The following ALCAM variants were observed in gnomAD, a reference collection of about 807,000 sequenced individuals.
The protein encoded by ALCAM is activated leukocyte cell adhesion molecule.
A neutral mutation model predicts 70.9 loss-of-function variants in ALCAM; 30 were observed. That is an observed-to-expected ratio of 0.42 (90% confidence interval 0.32 to 0.57). ALCAM has a LOEUF of 0.57. ALCAM is among the 20% of genes least tolerant of loss of function. The pLI is 0.11. For synonymous variants in ALCAM, 249 were observed against 242.5 expected (o/e 1.03, Z -0.25); for missense variants, 591 against 695.1 (o/e 0.85, Z 1.68).
chr3:105,540,103 G>A lies in ALCAM; in HGVS notation c.858+1G>A. 6.2e-7 allele frequency: 1 copy of A among 1,610,726 alleles called. No homozygotes were observed. On this transcript the variant is annotated splice_donor_variant, in intron 7 of 15. Transcript: ENST00000306107. LOFTEE classifies it high-confidence loss of function. ...AGAGGAATTTTTGTTTTACTTACCAGTAAGTGCTTAAGTATTACTTCAGTT... is the reference window on the plus strand; with the variant it reads ...AGAGGAATTTTTGTTTTACTTACCAATAAGTGCTTAAGTATTACTTCAGTT...
chr3:105,466,553 A>G (rs1401918771), intron 1 of ALCAM, among the ~76,000 whole-genome samples: 2 of 151,420 alleles, frequency 1.3e-5, no homozygotes, highest in Non-Finnish European at 3.0e-5. Context: ...ATTAGTTATC[A>G]AAATCATTCT....
chr3:105,467,615 G>T (rs1937784240), intron 1 of ALCAM, among the ~76,000 whole-genome samples: 1 of 151,098 alleles, frequency 6.6e-6, no homozygotes, highest in African/African-American at 2.4e-5. Flanking sequence ...TACTTAATTA[G>T]AAAAATATTA....
At chr3:105,531,905 T>C in intron 3 of ALCAM, 97 bp from the exon 4 acceptor site, 3 of 957,636 alleles carry the variant, frequency 3.1e-6, no homozygotes, top group Non-Finnish European at 5.1e-6. Context: ...CTTATTCTTC[T>C]GTATTGAGTA....
At chr3:105,405,114 C>T (rs192153721) in intron 1 of ALCAM, among the ~76,000 whole-genome samples, 106 of 151,842 alleles carry the variant, frequency 7.0e-4, no homozygotes, top group African/African-American at 2.5e-3. Context: ...CTTGTCTCTA[C>T]TAAAAATACA....
At chr3:105,474,066 G>A (rs1022241682) in intron 1 of ALCAM, among the ~76,000 whole-genome samples, 1 of 151,582 alleles carries the variant, frequency 6.6e-6, no homozygotes, top group African/African-American at 2.4e-5. Flanking sequence ...CACTACCACA[G>A]GTAGTAGCTA....
chr3:105,407,950 G>A lies in ALCAM; in HGVS notation c.73+40469G>A, dbSNP rs765449713. Among the ~76,000 whole-genome samples the A allele has an allele frequency of 2.6e-5, 4 of 152,026 alleles. No individual in the cohort carries two copies. In the South Asian group the frequency reaches 8.3e-4, roughly 31 times the overall value. ...GAGAATCAAATCAAGAACTCAACCT[G>A]ATTTACAATAGCTGCAAAAAATAAA... On this transcript the variant is annotated intron_variant, in intron 1 of 15. Transcript: ENST00000306107.
chr3:105,439,618 A>G (rs866496054), intron 1 of ALCAM: 8 of 152,360 alleles, frequency 5.3e-5, no homozygotes, highest in Middle Eastern at 3.4e-3. Context: ...TCGGGGCTCA[A>G]TATGAAATTT....
chr3:105,559,819 G>C (rs1459812194), intron 14 of ALCAM, among the ~76,000 whole-genome samples: 2 of 152,012 alleles, frequency 1.3e-5, no homozygotes, highest in Non-Finnish European at 2.9e-5. Flanking sequence ...TTATAGAAAA[G>C]GTACTCTTTT....
intron 4 of ALCAM, 128 bp from the exon 5 acceptor site, chr3:105,533,475 G>A (rs1178884688): frequency 2.5e-5 from 15 of 595,930 alleles, no homozygotes; most frequent in Middle Eastern, 4.0e-4. Flanking sequence ...TCAGTCTTTG[G>A]TCAGTGTTGG....
Position 105,368,330 on chromosome 3 carries a change from C to A in ALCAM, c.73+849C>A, listed in dbSNP as rs139823556. 2.0e-5 allele frequency among the ~76,000 whole-genome samples: 3 copies of A among 151,648 alleles called. No homozygotes were observed. In the East Asian group the frequency reaches 5.9e-4, roughly 30 times the overall value. On this transcript the variant is annotated intron_variant, in intron 1 of 15. Coordinates refer to ENST00000306107, the MANE Select transcript of ALCAM (RefSeq NM_001627.4). Reference sequence around the variant, plus strand: ...TCCCTTTCCACACCCTCGGGGACGTCCCCTGGCCCTGGTATCCTCAGGCCC... The same window carrying A: ...TCCCTTTCCACACCCTCGGGGACGTACCCTGGCCCTGGTATCCTCAGGCCC...
At chr3:105,572,231 C>CTA (rs1450602061) in intron 15 of ALCAM, among the ~76,000 whole-genome samples, 1 of 152,172 alleles carries the variant, frequency 6.6e-6, no homozygotes, top group Non-Finnish European at 1.5e-5. Flanking sequence ...CGTCCCTCCC[C>CTA]TAGCCCCCCA....
In ALCAM at chr3:105,571,719, T is replaced by C. The variant is rs543275287; in HGVS notation, c.1665-133T>C. On this transcript the variant is annotated intron_variant, in intron 14 of 15. Transcript: ENST00000306107. Reference sequence around the variant, plus strand: ...CATTATCAGTCAAGGCTCACAGATATGGAAATTTTTGCCTAGCGGTTTGCT... The same window carrying C: ...CATTATCAGTCAAGGCTCACAGATACGGAAATTTTTGCCTAGCGGTTTGCT... 3.5e-5 allele frequency: 22 copies of C among 631,694 alleles called. No homozygotes were observed. In the South Asian group the frequency reaches 5.1e-4, roughly 15 times the overall value. The allele number at this position is 631,694 out of a possible 1,614,324, so 39.1% of individuals were successfully genotyped here. A position where few individuals can be genotyped will look rare whatever the true frequency, so the allele number is the denominator to read the frequency against.
chr3:105,463,481 G>C (rs1224798727), intron 1 of ALCAM, among the ~76,000 whole-genome samples: 1 of 151,420 alleles, frequency 6.6e-6, no homozygotes, highest in Non-Finnish European at 1.5e-5. Context: ...TCTACAGTGA[G>C]AAATTTAACA....
rs754158436 is a variant in ALCAM, at chr3:105,532,091, C to T, written c.459+25C>T. 3.1e-6 allele frequency: 5 copies of T among 1,591,980 alleles called. No individual in the cohort carries two copies. The East Asian group carries it at 6.7e-5, about 21-fold the overall frequency. On this transcript the variant is annotated intron_variant, in intron 4 of 15. Coordinates refer to ENST00000306107, the MANE Select transcript of ALCAM (RefSeq NM_001627.4). ...GGTAAGAATTGTTTTTGATTAATAC[C>T]TTTATTTAGCCAGTGTTGTAAGTGC...
chr3:105,372,317 T>C (rs2107318769), intron 1 of ALCAM, among the ~76,000 whole-genome samples: 1 of 152,266 alleles, frequency 6.6e-6, no homozygotes, highest in South Asian at 2.1e-4. Flanking sequence ...TTCATGCAGC[T>C]AATTTCTCTG....
chr3:105,470,492 T>C lies in ALCAM; in HGVS notation c.74-49575T>C, dbSNP rs138130422. Reference sequence around the variant, plus strand: ...AAACAAGTGTTTAGGGGTTAAATTATAATTAAAATAATTGACCTCTTAATA... The same window carrying C: ...AAACAAGTGTTTAGGGGTTAAATTACAATTAAAATAATTGACCTCTTAATA... On this transcript the variant is annotated intron_variant, in intron 1 of 15. Coordinates refer to ENST00000306107, the MANE Select transcript of ALCAM (RefSeq NM_001627.4). 3.1e-4 allele frequency among the ~76,000 whole-genome samples: 47 copies of C among 151,346 alleles called. No homozygotes were observed. In the East Asian group the frequency reaches 8.5e-3, roughly 27 times the overall value.
intron 14 of ALCAM, among the ~76,000 whole-genome samples, chr3:105,567,359 AC>A (rs1203632781): frequency 6.6e-6 from 1 of 151,324 alleles, no homozygotes; most frequent in Non-Finnish European, 1.5e-5. Context: ...CTTCTGTTTG[AC>A]TTCAAATACA....
chr3:105,419,044 G>A (rs1936577876), intron 1 of ALCAM, among the ~76,000 whole-genome samples: 1 of 151,606 alleles, frequency 6.6e-6, no homozygotes, highest in African/African-American at 2.4e-5. Flanking sequence ...AGATACAACT[G>A]CATCTATGGG....
intron 1 of ALCAM, among the ~76,000 whole-genome samples, chr3:105,440,024 T>C (rs180771217): frequency 8.5e-5 from 13 of 152,318 alleles, no homozygotes; most frequent in Admixed American, 7.2e-4. Flanking sequence ...GAAAACACTT[T>C]ATAAAAGGAA....
Sources: allele counts gnomAD v4.1 joint callset (sites outside exome capture counted in the v4.1 genomes callset), GRCh38; gene constraint gnomAD v4.1.1; transcripts MANE v1.5; gene names NCBI Gene and HGNC (gene_info 2026-07-23, HGNC 2026-07-21).